The following BMAL2 variants were observed in gnomAD, a reference collection of about 807,000 sequenced individuals.
BMAL2 encodes basic helix-loop-helix ARNT-like protein 2.
chr12:27,400,528 A>T, the BMAL2 span: 2 of 1,555,482 alleles, frequency 1.3e-6, no homozygotes, highest in African/African-American at 2.8e-5. Flanking sequence ...AAAATCTTTG[A>T]ATTAGAGCAC....
chr12:27,385,485 G>C, the BMAL2 span: 1 of 1,603,942 alleles, frequency 6.2e-7, no homozygotes, highest in Non-Finnish European at 8.5e-7. Flanking sequence ...TTTTAGGCTT[G>C]ACAAATTCTT....
At chr12:27,417,258 A>T in the BMAL2 span, among the ~76,000 whole-genome samples, 21 of 152,354 alleles carry the variant, frequency 1.4e-4, no homozygotes, top group African/African-American at 5.1e-4. Flanking sequence ...ACAGTATAAG[A>T]ACTTTTCAGT....
the BMAL2 span, among the ~76,000 whole-genome samples, chr12:27,388,988 G>A: frequency 1.3e-5 from 2 of 152,082 alleles, no homozygotes; most frequent in Non-Finnish European, 2.9e-5. Context: ...GGTTCTATAC[G>A]CATGTATTTT....
the BMAL2 span, chr12:27,418,289 G>A: frequency 1.2e-6 from 1 of 845,844 alleles, no homozygotes; most frequent in Non-Finnish European, 1.9e-6. Flanking sequence ...TTGTAGAGAA[G>A]CAGATAGTTT....
chr12:27,406,582 C>A, the BMAL2 span, among the ~76,000 whole-genome samples: 5 of 152,190 alleles, frequency 3.3e-5, no homozygotes, highest in Non-Finnish European at 5.9e-5. Context: ...CTTACAAGAG[C>A]TCCTGAAGGA....
At chr12:27,423,324 C>CTTTTTTTTTTTTTTT in the BMAL2 span, 48 of 85,908 alleles carry the variant, frequency 5.6e-4, no homozygotes, top group Non-Finnish European at 6.6e-4. Context: ...CTTTTCTTTT[C>CTTTTTTTTTTTTTTT]TTTTTTTTTT....
the BMAL2 span, among the ~76,000 whole-genome samples, chr12:27,382,834 G>T: frequency 6.6e-6 from 1 of 152,160 alleles, no homozygotes; most frequent in Non-Finnish European, 1.5e-5. Context: ...CTTTTTAAAC[G>T]ATCTGGATGA....
At chr12:27,333,005 A>AGGGCG in the BMAL2 span, 1 of 1,132,634 alleles carries the variant, frequency 8.8e-7, no homozygotes, top group Non-Finnish European at 1.1e-6. Flanking sequence ...GGGCCGGGGC[A>AGGGCG]GGGCGGGCCC....
At chr12:27,411,850 A>G in the BMAL2 span, among the ~76,000 whole-genome samples, 1 of 152,156 alleles carries the variant, frequency 6.6e-6, no homozygotes. Context: ...TAATTTTTAT[A>G]TACTCCAATT....
the BMAL2 span, among the ~76,000 whole-genome samples, chr12:27,344,679 C>G: frequency 6.6e-6 from 1 of 152,216 alleles, no homozygotes; most frequent in Non-Finnish European, 1.5e-5. Context: ...GTCAACTGAT[C>G]ATGGGCTTTA....
At chr12:27,346,842 T>C in the BMAL2 span, among the ~76,000 whole-genome samples, 4 of 152,168 alleles carry the variant, frequency 2.6e-5, no homozygotes, top group African/African-American at 9.7e-5. Context: ...ATGGGAGGTA[T>C]TTGGGTCATG....
chr12:27,365,278 T>C, the BMAL2 span, among the ~76,000 whole-genome samples: 1 of 152,098 alleles, frequency 6.6e-6, no homozygotes, highest in Non-Finnish European at 1.5e-5. Context: ...TGGTAAATTA[T>C]ATTCATTAAT....
At chr12:27,392,957 T>C in the BMAL2 span, among the ~76,000 whole-genome samples, 2 of 152,138 alleles carry the variant, frequency 1.3e-5, no homozygotes, top group Admixed American at 6.5e-5. Context: ...TCTTGCTCTT[T>C]ACTGGTAAAG....
the BMAL2 span, chr12:27,368,439 G>A: frequency 3.7e-6 from 6 of 1,609,034 alleles, no homozygotes; most frequent in Non-Finnish European, 4.2e-6. Flanking sequence ...CTCTAACCCA[G>A]TGAGATCTTT....
the BMAL2 span, among the ~76,000 whole-genome samples, chr12:27,370,666 C>T: frequency 6.6e-6 from 1 of 152,008 alleles, no homozygotes; most frequent in Admixed American, 6.6e-5. Flanking sequence ...GTGCAAATGG[C>T]GCAATCTCGG....
the BMAL2 span, chr12:27,377,622 T>C: frequency 6.6e-6 from 1 of 152,188 alleles, no homozygotes; most frequent in East Asian, 1.9e-4. Flanking sequence ...TGCTCTGTAA[T>C]CCCAGCTCCT....
the BMAL2 span, among the ~76,000 whole-genome samples, chr12:27,380,757 C>T: frequency 6.6e-6 from 1 of 152,194 alleles, no homozygotes; most frequent in Middle Eastern, 3.4e-3. Context: ...TGCTTGTAAT[C>T]CCCGTACTTT....
chr12:27,418,781 C>T, the BMAL2 span, among the ~76,000 whole-genome samples: 2 of 152,016 alleles, frequency 1.3e-5, no homozygotes, highest in African/African-American at 4.8e-5. Flanking sequence ...AGTTCGAGAC[C>T]AGCCTTGCCA....
At chr12:27,392,899 T>A in the BMAL2 span, among the ~76,000 whole-genome samples, 3 of 152,206 alleles carry the variant, frequency 2.0e-5, no homozygotes, top group East Asian at 5.8e-4. Context: ...CATTATAACC[T>A]TCCATTTTTG....
Sources: gnomAD v4.1 joint callset for allele counts (sites outside exome capture counted in the v4.1 genomes callset) on GRCh38, gnomAD v4.1.1 for gene constraint, MANE v1.5 for transcripts, NCBI Gene and HGNC (gene_info 2026-07-23, HGNC 2026-07-21) for gene names.